Variants in SUPT3H observed in about 807,000 individuals in gnomAD.
SUPT3H encodes transcription initiation protein SPT3 homolog.
Under a neutral mutation model 44.3 loss-of-function variants are expected in SUPT3H, and 44 were observed. That is an observed-to-expected ratio of 0.99 (90% confidence interval 0.78 to 1.28). The LOEUF (loss-of-function observed/expected upper bound fraction) is 1.28, where lower values mean the gene tolerates loss of function less well. Ranked by LOEUF, SUPT3H falls within the 50% of genes most tolerant of loss-of-function variation. The probability of loss-of-function intolerance (pLI) is 0.00; values close to 1 mark genes in which losing one functional copy is unlikely to be tolerated. For synonymous variants in SUPT3H, 124 were observed against 125.6 expected (o/e 0.99, Z 0.09); for missense variants, 380 against 387.1 (o/e 0.98, Z 0.15).
intron 10 of SUPT3H, among the ~76,000 whole-genome samples, chr6:44,916,330 T>C (rs644060): frequency 0.014 from 2,163 of 152,334 alleles, 58 homozygotes; most frequent in African/African-American, 0.049. Flanking sequence ...TTTTGGTAGT[T>C]ACTTTTTGGA....
chr6:45,005,838 G>T (rs1782643610), intron 5 of SUPT3H, among the ~76,000 whole-genome samples: 1 of 151,410 alleles, frequency 6.6e-6, no homozygotes, highest in African/African-American at 2.4e-5. Context: ...ATTTAAATTT[G>T]TAAAGGTTTA....
chr6:45,054,823 T>A (rs577050447), intron 3 of SUPT3H, among the ~76,000 whole-genome samples: 1 of 152,212 alleles, frequency 6.6e-6, no homozygotes, highest in African/African-American at 2.4e-5. Flanking sequence ...ACAGGCAGAC[T>A]TGTAAACTGC....
At chr6:45,233,639 T>A (rs76180310) in intron 2 of SUPT3H, among the ~76,000 whole-genome samples, 3,099 of 152,324 alleles carry the variant, frequency 0.02, 44 homozygotes, top group Non-Finnish European at 0.032. Context: ...CCTTCTTCTG[T>A]GCCGCAGATG....
At chr6:45,328,480 A>C (rs1309019840) in intron 2 of SUPT3H, 2 of 1,496,466 alleles carry the variant, frequency 1.3e-6, no homozygotes, top group Non-Finnish European at 1.8e-6. Context: ...CTCTAACCAC[A>C]GTCTATGCAG....
chr6:45,370,864 G>A (rs1036682672), intron 1 of SUPT3H, among the ~76,000 whole-genome samples: 2 of 151,908 alleles, frequency 1.3e-5, no homozygotes, highest in Admixed American at 1.3e-4. Flanking sequence ...CTCACATTAA[G>A]TTTCTATTCC....
chr6:45,028,227 A>T (rs986897582), intron 3 of SUPT3H, among the ~76,000 whole-genome samples: 4 of 152,226 alleles, frequency 2.6e-5, no homozygotes, highest in African/African-American at 7.2e-5. Context: ...CTTTCCACAA[A>T]GTAAAGTTAT....
chr6:45,290,319 C>A, intron 2 of SUPT3H, among the ~76,000 whole-genome samples: 1 of 152,072 alleles, frequency 6.6e-6, no homozygotes, highest in East Asian at 1.9e-4. Context: ...TAACATATAA[C>A]TACCTTGGAG....
chr6:45,297,078 A>T (rs924860066), intron 2 of SUPT3H, among the ~76,000 whole-genome samples: 6 of 33,934 alleles, frequency 1.8e-4, no homozygotes, highest in South Asian at 7.9e-4. Context: ...AAATAAATTT[A>T]AAAAAAAAAA....
chr6:45,119,424 C>T (rs1184470708), intron 2 of SUPT3H, among the ~76,000 whole-genome samples: 1 of 152,142 alleles, frequency 6.6e-6, no homozygotes, highest in Non-Finnish European at 1.5e-5. Flanking sequence ...GGATTCACCT[C>T]CCAACTGATT....
chr6:44,815,980 G>A (rs1477478881), intron 11 of SUPT3H, among the ~76,000 whole-genome samples: 1 of 152,026 alleles, frequency 6.6e-6, no homozygotes, highest in Admixed American at 6.6e-5. Context: ...CATGTTCTGG[G>A]CCATAAGCAA....
intron 2 of SUPT3H, among the ~76,000 whole-genome samples, chr6:45,158,294 A>ATTTT (rs1554266490): frequency 0.012 from 356 of 30,528 alleles, 15 homozygotes; most frequent in Non-Finnish European, 0.02. Flanking sequence ...ATATATATAT[A>ATTTT]TATATTTTTT....
At chr6:45,212,463 C>T (rs1764245350) in intron 2 of SUPT3H, among the ~76,000 whole-genome samples, 1 of 138,984 alleles carries the variant, frequency 7.2e-6, no homozygotes, top group South Asian at 2.4e-4. Flanking sequence ...GGTTCTGAAA[C>T]TTCCCTCCAC....
At chr6:45,184,775 G>GAAA (rs55652227) in intron 2 of SUPT3H, among the ~76,000 whole-genome samples, 1,574 of 128,154 alleles carry the variant, frequency 0.012, 64 homozygotes, top group African/African-American at 0.026. Flanking sequence ...ACAGGCAGAG[G>GAAA]AAAAAAAAAA....
chr6:45,019,187 G>A (rs1303862018), intron 4 of SUPT3H, among the ~76,000 whole-genome samples: 4 of 152,004 alleles, frequency 2.6e-5, no homozygotes, highest in African/African-American at 9.7e-5. Flanking sequence ...TGGGATTGGT[G>A]GTGATATCCC....
chr6:44,928,621 C>T (rs1485831493), intron 10 of SUPT3H, among the ~76,000 whole-genome samples: 2 of 151,966 alleles, frequency 1.3e-5, no homozygotes, highest in East Asian at 1.9e-4. Context: ...AAGGGCCGGG[C>T]GCGGTGGCTC....
At chr6:45,310,927 G>T (rs1209178124) in intron 2 of SUPT3H, among the ~76,000 whole-genome samples, 1 of 152,084 alleles carries the variant, frequency 6.6e-6, no homozygotes. Context: ...AAACCAAGAA[G>T]AAATCCCTCA....
At chr6:45,324,800 G>A (rs1786094003) in intron 2 of SUPT3H, among the ~76,000 whole-genome samples, 1 of 152,048 alleles carries the variant, frequency 6.6e-6, no homozygotes, top group Non-Finnish European at 1.5e-5. Flanking sequence ...AAAATAAACT[G>A]AGAAAAATGC....
chr6:44,975,379 A>T (rs1450649222), intron 6 of SUPT3H, among the ~76,000 whole-genome samples: 1 of 152,196 alleles, frequency 6.6e-6, no homozygotes, highest in Non-Finnish European at 1.5e-5. Context: ...GTATATATAT[A>T]CCATGGAATA....
intron 11 of SUPT3H, among the ~76,000 whole-genome samples, chr6:44,815,784 G>A (rs991516572): frequency 2.0e-5 from 3 of 151,940 alleles, no homozygotes; most frequent in Non-Finnish European, 2.9e-5. Flanking sequence ...TAGAAAATCA[G>A]TAAGTATACA....
Sources: allele counts gnomAD v4.1 joint callset (sites outside exome capture counted in the v4.1 genomes callset), GRCh38; gene constraint gnomAD v4.1.1; transcripts MANE v1.5; gene names NCBI Gene and HGNC (gene_info 2026-07-23, HGNC 2026-07-21).